TTLL9: variants seen among roughly 807,000 people sequenced by gnomAD.
The protein encoded by TTLL9 is probable tubulin polyglutamylase TTLL9.
A neutral mutation model predicts 65.6 loss-of-function variants in TTLL9; 47 were observed. That is an observed-to-expected ratio of 0.72 (90% confidence interval 0.57 to 0.91). TTLL9 has a LOEUF of 0.91. Among genes scored for constraint, TTLL9 ranks in the 40% least tolerant of loss-of-function variants. The probability of loss-of-function intolerance (pLI) is 0.00; values close to 1 mark genes in which losing one functional copy is unlikely to be tolerated. For missense variants in TTLL9, 537 were observed against 568.8 expected (o/e 0.94, Z 0.57); for synonymous variants, 179 against 204.8 (o/e 0.87, Z 1.07).
At position 31,890,068 on chromosome 20, in the gene TTLL9, CTTG is replaced by C. The variant is rs1200293895; in HGVS notation, c.113+2830_113+2832del. Among the ~76,000 whole-genome samples, 70 of 66,330 alleles carry C rather than the reference CTTG, an allele frequency of 1.1e-3. 5 individuals are homozygous for C. The highest frequency in any genetic ancestry group is 5.6e-3 in the African/African-American group (67 of 12,044). 43.5% of individuals were successfully genotyped at this position (66,330 alleles called of 152,430 possible). A position where few individuals can be genotyped will look rare whatever the true frequency, so the allele number is the denominator to read the frequency against. On this transcript the variant is annotated intron_variant, in intron 3 of 14. Coordinates refer to ENST00000535842, the MANE Select transcript of TTLL9 (RefSeq NM_001008409.5). ...CTTCTTTCTTTCTTTCTCTTTCTTTCTTGCTTTCTTGCTTTCTTGCTTTCTTTC... is the reference window on the plus strand; with the variant it reads ...CTTCTTTCTTTCTTTCTCTTTCTTTCCTTTCTTGCTTTCTTGCTTTCTTTC...
At chr20:31,878,164 T>C (rs781588842) in intron 2 of TTLL9, among the ~76,000 whole-genome samples, 9 of 152,256 alleles carry the variant, frequency 5.9e-5, no homozygotes, top group Non-Finnish European at 1.0e-4. Context: ...GGTTGGTATA[T>C]AGAAATTCAA....
intron 2 of TTLL9, among the ~76,000 whole-genome samples, chr20:31,872,096 T>C (rs2062943298): frequency 6.6e-6 from 1 of 152,112 alleles, no homozygotes; most frequent in Non-Finnish European, 1.5e-5. Context: ...ATATTAGACA[T>C]CTCAGATCTA....
chr20:31,879,870 G>C, intron 2 of TTLL9: 2 of 1,550,410 alleles, frequency 1.3e-6, no homozygotes, highest in Non-Finnish European at 1.7e-6. Flanking sequence ...TCTGGCCCCT[G>C]GGGAATCGCG....
intron 2 of TTLL9, among the ~76,000 whole-genome samples, chr20:31,881,281 ATC>A (rs773396056): frequency 1.3e-5 from 2 of 152,216 alleles, no homozygotes; most frequent in Non-Finnish European, 2.9e-5. Flanking sequence ...TTTGTTTAAC[ATC>A]TGTCTTCCCT....
intron 8 of TTLL9, 142 bp downstream of exon 8, chr20:31,923,195 C>A: frequency 1.5e-6 from 1 of 660,262 alleles, no homozygotes; most frequent in Non-Finnish European, 2.8e-6. Context: ...GTTCTGCAGT[C>A]TCCCACCTCC....
intron 2 of TTLL9, chr20:31,879,906 C>G: frequency 1.3e-6 from 2 of 1,549,776 alleles, no homozygotes; most frequent in Middle Eastern, 3.3e-4. Context: ...AGGTAGGAGT[C>G]GACCTGACCC....
At chr20:31,874,866 G>A (rs921506133) in intron 2 of TTLL9, among the ~76,000 whole-genome samples, 1 of 152,174 alleles carries the variant, frequency 6.6e-6, no homozygotes, top group African/African-American at 2.4e-5. Flanking sequence ...TGCTGGGTTT[G>A]CAGATCGAAG....
At position 31,908,698 on chromosome 20, in the gene TTLL9, A is replaced by C; in HGVS notation, c.314A>C (p.Tyr105Ser). Reference sequence around the variant, plus strand: ...CGGATCAGTCACTTCCGGAACCACTATGAGGTGAGCTGGGCAGGCGGGAGG... The same window carrying C: ...CGGATCAGTCACTTCCGGAACCACTCTGAGGTGAGCTGGGCAGGCGGGAGG... ...HVRISHFRNH[Y>S]ELTRKNYMVK... Residue 105 changes from tyrosine (Y) to serine (S), a missense_variant, in exon 5 of 15, where the codon TAT (tyrosine) becomes TCT (serine). Transcript: ENST00000535842. 6.2e-7 allele frequency: 1 copy of C among 1,613,614 alleles called. No individual in the cohort carries two copies. Among genetic ancestry groups the C allele is most frequent in the Non-Finnish European group, 8.5e-7 (1 of 1,179,592 alleles).
chr20:31,872,602 G>A (rs1260151646), intron 2 of TTLL9, among the ~76,000 whole-genome samples: 1 of 152,028 alleles, frequency 6.6e-6, no homozygotes, highest in Non-Finnish European at 1.5e-5. Context: ...GGCGGAGGAG[G>A]ATCACTTGAG....
At chr20:31,908,843 T>G (rs2063600392) in intron 5 of TTLL9, 141 bp downstream of exon 5, 3 of 699,224 alleles carry the variant, frequency 4.3e-6, no homozygotes, top group Middle Eastern at 2.6e-4. Flanking sequence ...GGGCTAGACC[T>G]ATGGAGAGCC....
chr20:31,939,259 A>G lies in TTLL9; in HGVS notation c.1236A>G (p.Thr412=), dbSNP rs971538881. ...LSGMGNFVTN[T]HLGCVNDRKK... ...GAATGGGAAACTTTGTGACCAACAC[A>G]CATCTCGGTATGTAGGGCCAGGTGG... The change falls in exon 14 of 15, where the codon ACA becomes ACG. Residue 412 remains threonine (T), a synonymous_variant. Coordinates refer to ENST00000535842, the MANE Select transcript of TTLL9 (RefSeq NM_001008409.5). 2 of 1,613,368 alleles carry G rather than the reference A, an allele frequency of 1.2e-6. No homozygotes were observed. Among genetic ancestry groups the G allele is most frequent in the Non-Finnish European group, 8.5e-7 (1 of 1,179,808 alleles).
intron 3 of TTLL9, among the ~76,000 whole-genome samples, chr20:31,896,881 C>T (rs942621219): frequency 6.6e-6 from 1 of 152,094 alleles, no homozygotes; most frequent in South Asian, 2.1e-4. Context: ...GAATAAACTC[C>T]GCTTGGTTAT....
chr20:31,937,896 G>A (rs1418457957), intron 13 of TTLL9, among the ~76,000 whole-genome samples: 4 of 151,664 alleles, frequency 2.6e-5, no homozygotes, highest in Non-Finnish European at 5.9e-5. Flanking sequence ...CTAGTGCTTA[G>A]CTAACAGTAA....
chr20:31,936,783 C>T (rs1032512856), intron 12 of TTLL9, among the ~76,000 whole-genome samples: 2 of 152,198 alleles, frequency 1.3e-5, no homozygotes, highest in African/African-American at 2.4e-5. Context: ...CATTCCTATG[C>T]CAGCTTTCTA....
rs1232751903 is a variant in TTLL9 at position 31,908,647 on chromosome 20, A to AC, written c.265dup (p.His89ProfsTer6). 1.2e-6 allele frequency: 2 copies of AC among 1,614,006 alleles called. No homozygotes were observed. Among genetic ancestry groups the AC allele is most frequent in the Non-Finnish European group, 1.7e-6 (2 of 1,179,992 alleles). On this transcript the variant is annotated frameshift_variant, in exon 5 of 15. Transcript: ENST00000535842. LOFTEE classifies it high-confidence loss of function. The stretch of plus-strand genomic sequence containing the variant: ...GTCAGCTGGCTCCGGGAGAACTTCG[A>AC]CCACACCTACATGGATGAACATGTG...
At chr20:31,875,960 T>A (rs2063033094) in intron 2 of TTLL9, among the ~76,000 whole-genome samples, 1 of 152,240 alleles carries the variant, frequency 6.6e-6, no homozygotes, top group African/African-American at 2.4e-5. Flanking sequence ...TCTGTGTTTT[T>A]AAACTCTTAC....
At chr20:31,901,480 G>C (rs1309391471) in intron 4 of TTLL9, 2 of 152,214 alleles carry the variant, frequency 1.3e-5, no homozygotes, top group Non-Finnish European at 2.9e-5. Flanking sequence ...AGAGCAACTT[G>C]ATTGTGACAA....
chr20:31,912,619 G>A (rs995260232), intron 6 of TTLL9, among the ~76,000 whole-genome samples: 1 of 150,524 alleles, frequency 6.6e-6, no homozygotes, highest in Non-Finnish European at 1.5e-5. Flanking sequence ...GTGTGTGTGT[G>A]TGTGTGTGTG....
rs910584309 is a variant in TTLL9 at position 31,870,755 on chromosome 20, G to A, written c.-200G>A. 131 of 497,978 alleles carry A rather than the reference G, an allele frequency of 2.6e-4. No homozygotes were observed. The highest frequency in any genetic ancestry group is 3.9e-4 in the Non-Finnish European group (117 of 302,612). 30.8% of individuals were successfully genotyped at this position (497,978 alleles called of 1,614,324 possible). A position where few individuals can be genotyped will look rare whatever the true frequency, so the allele number is the denominator to read the frequency against. The stretch of plus-strand genomic sequence containing the variant: ...CTGGCACCGGCAGGCGCGGGCGGAT[G>A]GGGGGATGTCGCCTAGAGCCCCCCG... On this transcript the variant is annotated 5_prime_UTR_variant, in exon 1 of 15. The change abolishes an upstream ATG in the 5' untranslated region. Coordinates refer to ENST00000535842, the MANE Select transcript of TTLL9 (RefSeq NM_001008409.5). The surrounding 1 kb of genome is among the most constrained non-coding windows in gnomAD (Gnocchi z 6.6).
Sources: gnomAD v4.1 joint callset for allele counts (sites outside exome capture counted in the v4.1 genomes callset) on GRCh38, gnomAD v4.1.1 for gene constraint, Gnocchi (gnomAD v3.1) non-coding constraint, MANE v1.5 for transcripts, NCBI Gene and HGNC (gene_info 2026-07-23, HGNC 2026-07-21) for gene names.